Variants in CHRM3 observed in about 807,000 individuals in gnomAD.
CHRM3 encodes the protein cholinergic receptor muscarinic 3.
CHRM3 carries 11 observed loss-of-function variants against 41.8 expected under a neutral mutation model. The ratio of observed to expected loss-of-function variants is 0.26; its 90% CI spans 0.17 to 0.44. The LOEUF is 0.44. CHRM3 is among the 20% of genes least tolerant of loss of function. The pLI, the probability that CHRM3 is intolerant of heterozygous loss-of-function variation, is 1.00. For synonymous variants in CHRM3, 297 were observed against 301.4 expected, an observed-to-expected ratio of 0.99 and a Z score of 0.15; for missense variants, 571 against 745.4, an observed-to-expected ratio of 0.77 and a Z score of 2.72.
intron 6 of CHRM3, among the ~76,000 whole-genome samples, chr1:239,905,890 C>G (rs756044010): frequency 4.6e-5 from 7 of 152,152 alleles, no homozygotes; most frequent in Non-Finnish European, 1.0e-4. Flanking sequence ...CACAGATACT[C>G]ATATAGCATT....
At chr1:239,588,694 A>G (rs1012523592) in intron 3 of CHRM3, among the ~76,000 whole-genome samples, 8 of 152,216 alleles carry the variant, frequency 5.3e-5, no homozygotes, top group African/African-American at 1.9e-4. Flanking sequence ...CCACTAGACC[A>G]GATGCACAAG....
chr1:239,787,028 G>T lies in CHRM3; in HGVS notation c.-146-40224G>T, dbSNP rs1668960116. 2.0e-5 allele frequency among the ~76,000 whole-genome samples: 3 copies of T among 152,176 alleles called. No homozygotes were observed. In the South Asian group the frequency reaches 6.2e-4, roughly 31 times the overall value. On this transcript the variant is annotated intron_variant, in intron 5 of 6. Transcript: ENST00000676153. Reference sequence around the variant, plus strand: ...AGAGGGGCCAGACAAGAGTCAGGAAGACTAATCAGTGGGTGATTATAATAA... The same window carrying T: ...AGAGGGGCCAGACAAGAGTCAGGAATACTAATCAGTGGGTGATTATAATAA...
chr1:239,627,697 G>C (rs1362537717), intron 3 of CHRM3, among the ~76,000 whole-genome samples: 1 of 137,250 alleles, frequency 7.3e-6, no homozygotes, highest in Non-Finnish European at 1.6e-5. Flanking sequence ...GGGCAGGCCT[G>C]GTGGTGACAA....
chr1:239,848,084 G>C (rs1422843022), intron 6 of CHRM3, among the ~76,000 whole-genome samples: 1 of 152,046 alleles, frequency 6.6e-6, no homozygotes, highest in African/African-American at 2.4e-5. Context: ...ACCCTTTTAA[G>C]GCTTTCATGC....
chr1:239,573,622 T>C (rs1420659823), intron 3 of CHRM3, among the ~76,000 whole-genome samples: 2 of 152,184 alleles, frequency 1.3e-5, no homozygotes, highest in East Asian at 3.9e-4. Flanking sequence ...AGTGTAGATT[T>C]CCATAGACCA....
intron 1 of CHRM3, among the ~76,000 whole-genome samples, chr1:239,424,207 G>A (rs985497710): frequency 2.0e-5 from 3 of 152,074 alleles, no homozygotes; most frequent in African/African-American, 2.4e-5. Context: ...CATACGACAC[G>A]GCAATGAGTG....
intron 4 of CHRM3, among the ~76,000 whole-genome samples, chr1:239,656,127 G>T (rs991094018): frequency 1.3e-5 from 2 of 151,952 alleles, no homozygotes; most frequent in African/African-American, 4.8e-5. Context: ...AAGAAGGAAA[G>T]GATAAACACT....
chr1:239,895,602 A>T (rs886106401), intron 6 of CHRM3, among the ~76,000 whole-genome samples: 8 of 152,346 alleles, frequency 5.3e-5, no homozygotes, highest in African/African-American at 1.2e-4. Context: ...GATTTTTTTT[A>T]AATGTAGTAC....
intron 6 of CHRM3, among the ~76,000 whole-genome samples, chr1:239,892,962 C>T (rs962979396): frequency 6.6e-6 from 1 of 152,226 alleles, no homozygotes; most frequent in South Asian, 2.1e-4. Flanking sequence ...AGCTAGAGCA[C>T]ATAATACACA....
intron 1 of CHRM3, among the ~76,000 whole-genome samples, chr1:239,437,017 A>C (rs1663324716): frequency 6.6e-6 from 1 of 152,108 alleles, no homozygotes; most frequent in South Asian, 2.1e-4. Context: ...CATATCTCAC[A>C]CAGGAACTCT....
At chr1:239,772,250 A>G (rs939832623) in intron 5 of CHRM3, among the ~76,000 whole-genome samples, 4 of 152,062 alleles carry the variant, frequency 2.6e-5, no homozygotes, top group African/African-American at 9.7e-5. Context: ...TCCCGGGTTC[A>G]AGCGATTCTC....
intron 4 of CHRM3, among the ~76,000 whole-genome samples, chr1:239,635,622 G>A (rs16838584): frequency 0.028 from 4,198 of 152,236 alleles, 91 homozygotes; most frequent in Admixed American, 0.056. Context: ...TAAGGCATAC[G>A]AAAATAACCA....
chr1:239,489,936 T>A (rs1667451207), intron 1 of CHRM3, among the ~76,000 whole-genome samples: 1 of 152,020 alleles, frequency 6.6e-6, no homozygotes, highest in Non-Finnish European at 1.5e-5. Flanking sequence ...CAGTAGAGGG[T>A]AGTGCTAAAG....
intron 5 of CHRM3, among the ~76,000 whole-genome samples, chr1:239,680,978 G>T (rs549766032): frequency 6.6e-6 from 1 of 152,082 alleles, no homozygotes; most frequent in East Asian, 1.9e-4. Context: ...AAATCATGGC[G>T]GGAGGTGAAA....
chr1:239,496,925 T>C (rs1667926291), intron 2 of CHRM3, among the ~76,000 whole-genome samples: 1 of 152,076 alleles, frequency 6.6e-6, no homozygotes, highest in Non-Finnish European at 1.5e-5. Context: ...AAACTAGACC[T>C]CTTATGCTTA....
At chr1:239,530,005 A>C (rs531625201) in intron 2 of CHRM3, among the ~76,000 whole-genome samples, 53 of 151,814 alleles carry the variant, frequency 3.5e-4, no homozygotes, top group Non-Finnish European at 5.6e-4. Flanking sequence ...TCACGCCATT[A>C]TCCTGCCTCA....
At chr1:239,474,159 A>G (rs1226787613) in intron 1 of CHRM3, among the ~76,000 whole-genome samples, 3 of 152,122 alleles carry the variant, frequency 2.0e-5, no homozygotes, top group African/African-American at 7.2e-5. Context: ...TTGTTTAAAA[A>G]GAGTAACTAA....
At chr1:239,905,692 T>C (rs1679914139) in intron 6 of CHRM3, among the ~76,000 whole-genome samples, 1 of 152,166 alleles carries the variant, frequency 6.6e-6, no homozygotes, top group Non-Finnish European at 1.5e-5. Flanking sequence ...GGCAAGACTC[T>C]GTCTCAAAAA....
At position 239,676,458 on chromosome 1, in the gene CHRM3, G is replaced by C. The variant is rs566397678; in HGVS notation, c.-249-1728G>C. On this transcript the variant is annotated intron_variant, in intron 4 of 6. Coordinates refer to ENST00000676153, the MANE Select transcript of CHRM3 (RefSeq NM_001375978.1). ...GCTTGCATTTATGATATTGGAAACA[G>C]GAAGGGTGAGATTGGAAACAGTCCA... 2.6e-5 allele frequency among the ~76,000 whole-genome samples: 4 copies of C among 152,312 alleles called. No homozygotes were observed. In the South Asian group the frequency reaches 6.2e-4, roughly 24 times the overall value.
Sources: gnomAD v4.1 joint callset for allele counts (sites outside exome capture counted in the v4.1 genomes callset) on GRCh38, gnomAD v4.1.1 for gene constraint, MANE v1.5 for transcripts, NCBI Gene and HGNC (gene_info 2026-07-23, HGNC 2026-07-21) for gene names.